PAX3: variants seen among roughly 807,000 people sequenced by gnomAD.
PAX3 encodes the protein paired box 3, also known as paired box protein Pax-3.
PAX3 carries 14 observed loss-of-function variants against 51.6 expected under a neutral mutation model. The observed-to-expected ratio is 0.27, with a 90% CI of 0.18 to 0.42. The LOEUF is 0.42. Ranked by LOEUF, PAX3 falls within the 10% of genes least tolerant of loss-of-function variation. The probability of loss-of-function intolerance (pLI) is 1.00; values close to 1 mark genes in which losing one functional copy is unlikely to be tolerated. For missense variants in PAX3, 540 were observed against 642.8 expected, an observed-to-expected ratio of 0.84 and a Z score of 1.73; for synonymous variants, 280 against 253.4, an observed-to-expected ratio of 1.11 and a Z score of -1.00.
At chr2:222,277,025 G>A (rs1242420237) in intron 4 of PAX3, among the ~76,000 whole-genome samples, 1 of 152,164 alleles carries the variant, frequency 6.6e-6, no homozygotes, top group Non-Finnish European at 1.5e-5. Flanking sequence ...CTGTTACATG[G>A]TTGTGCTGAC....
intron 7 of PAX3, among the ~76,000 whole-genome samples, chr2:222,204,088 T>A (rs897984027): frequency 2.6e-5 from 4 of 152,154 alleles, no homozygotes; most frequent in African/African-American, 9.7e-5. Context: ...TTTTTAAAAA[T>A]TAGTTATATT....
chr2:222,218,900 C>T (rs183908630), intron 7 of PAX3, among the ~76,000 whole-genome samples: 13 of 152,218 alleles, frequency 8.5e-5, no homozygotes, highest in East Asian at 1.9e-4. Flanking sequence ...TGCCTTTAGG[C>T]GGAAATGTTT....
chr2:222,239,164 C>T (rs1024030782), intron 4 of PAX3, among the ~76,000 whole-genome samples: 23 of 152,300 alleles, frequency 1.5e-4, no homozygotes, highest in Middle Eastern at 3.4e-3. Flanking sequence ...TGTTGGATCC[C>T]AAGAAATGGC....
intron 4 of PAX3, among the ~76,000 whole-genome samples, chr2:222,241,412 GC>G (rs1377909113): frequency 6.6e-6 from 1 of 152,160 alleles, no homozygotes; most frequent in Non-Finnish European, 1.5e-5. Context: ...CATTTTATTT[GC>G]CAATCAGAGT....
chr2:222,280,550 C>T (rs1380703059), intron 4 of PAX3, among the ~76,000 whole-genome samples: 35 of 152,238 alleles, frequency 2.3e-4, no homozygotes, highest in Non-Finnish European at 5.9e-5. Flanking sequence ...GCTTTGACCT[C>T]CACAAGAGTT....
chr2:222,285,704 T>C (rs1376109127), intron 4 of PAX3, among the ~76,000 whole-genome samples: 3 of 152,236 alleles, frequency 2.0e-5, no homozygotes, highest in Non-Finnish European at 4.4e-5. Flanking sequence ...TTTCCAACCA[T>C]TAACACAAGA....
chr2:222,256,296 G>A (rs1430662), intron 4 of PAX3, among the ~76,000 whole-genome samples: 17,632 of 152,060 alleles, frequency 0.12, 1,254 homozygotes, highest in East Asian at 0.32. Context: ...ACAAAAAACC[G>A]TTCTTCCCTC....
chr2:222,222,930 C>T (rs1039345832), intron 5 of PAX3, among the ~76,000 whole-genome samples: 3 of 152,134 alleles, frequency 2.0e-5, no homozygotes, highest in Non-Finnish European at 4.4e-5. Context: ...ATTCTAATTT[C>T]GACGAGCGAT....
intron 4 of PAX3, among the ~76,000 whole-genome samples, chr2:222,236,330 G>A (rs975330418): frequency 3.3e-5 from 5 of 152,152 alleles, no homozygotes; most frequent in Non-Finnish European, 7.4e-5. Context: ...CTGGGCTCAA[G>A]CAATCTTCCC....
Position 222,202,124 on chromosome 2 carries a change from G to A in PAX3, c.1240C>T (p.Pro414Ser), listed in dbSNP as rs1691318066. The A allele has an allele frequency of 3.1e-6, 5 of 1,613,342 alleles. No homozygotes were observed. The highest frequency in any genetic ancestry group is 4.5e-5 in the East Asian group (2 of 44,718). ...HQPQTDYALS[P>S]LTGGLEPTTT... ...GTAGGTTCCAGACCCCCGGTGAGAG[G>A]GGAGAGCGCGTAATCAGTCTGGGGC... Residue 414 changes from proline to serine, a missense_variant, in exon 8 of 9, where the codon CCT (proline) becomes TCT (serine). Physicochemically the swap from Pro to Ser is moderately conservative, Grantham distance 74 (BLOSUM62 -1). Around this residue, in one of 3 missense-constraint regions of PAX3, gnomAD observed 427 missense variants for 483.6 expected, o/e 0.88. Coordinates refer to ENST00000392070, the MANE Select transcript of PAX3 (RefSeq NM_181458.4).
intron 4 of PAX3, among the ~76,000 whole-genome samples, chr2:222,268,103 T>C (rs1232920477): frequency 2.6e-5 from 4 of 152,216 alleles, no homozygotes; most frequent in African/African-American, 9.6e-5. Flanking sequence ...CAAAACCTGT[T>C]ATGCACAAAT....
intron 3 of PAX3, 66 bp downstream of exon 3, chr2:222,295,462 G>C: frequency 6.4e-7 from 1 of 1,573,580 alleles, no homozygotes; most frequent in Non-Finnish European, 8.7e-7. Context: ...ATTACGTCTG[G>C]GTCGACGTGC....
Position 222,298,231 on chromosome 2 carries a change from T to A in PAX3, c.85+300A>T, listed in dbSNP as rs867167244. On this transcript the variant is annotated intron_variant, in intron 1 of 8. Coordinates refer to ENST00000392070, the MANE Select transcript of PAX3 (RefSeq NM_181458.4). ...ATTGCGGAGAAGTTGCTTCTGCCGC[T>A]CAGAAGCCGGTTCACCTCCTTCTCC... is the stretch of plus-strand genomic sequence containing the variant. 13 of 447,530 alleles carry A rather than the reference T, an allele frequency of 2.9e-5. No individual in the cohort carries two copies. The Middle Eastern group carries it at 2.5e-3, about 84-fold the overall frequency. 27.7% of individuals were successfully genotyped at this position (447,530 alleles called of 1,614,324 possible). A position where few individuals can be genotyped will look rare whatever the true frequency, so the allele number is the denominator to read the frequency against.
intron 4 of PAX3, among the ~76,000 whole-genome samples, chr2:222,291,616 C>T (rs1695041171): frequency 2.6e-5 from 4 of 152,166 alleles, no homozygotes; most frequent in Admixed American, 2.0e-4. Flanking sequence ...AAAAGCCAGG[C>T]TCAGCAGCAC....
chr2:222,243,676 T>C (rs1693102804), intron 4 of PAX3, among the ~76,000 whole-genome samples: 1 of 152,238 alleles, frequency 6.6e-6, no homozygotes, highest in African/African-American at 2.4e-5. Context: ...TAAATGCTTT[T>C]AACGACACTT....
Position 222,295,565 on chromosome 2 carries a change from G to A in PAX3, c.414C>T (p.Leu138=). 1.2e-6 allele frequency: 2 copies of A among 1,614,236 alleles called. No individual in the cohort carries two copies. The highest frequency in any genetic ancestry group is 8.5e-7 in the Non-Finnish European group (1 of 1,180,036). The change falls in exon 3 of 9, where the codon CTC becomes CTT. Residue 138 remains leucine, a synonymous_variant. Coordinates refer to ENST00000392070, the MANE Select transcript of PAX3 (RefSeq NM_181458.4). The stretch of plus-strand genomic sequence containing the variant: ...TGTTTCGATCACAGACCGCGTCCTT[G>A]AGTAATTTGTCTCGGATTTCCCAGC... The part of the protein sequence containing the change: ...MFSWEIRDKL[L]KDAVCDRNTV...
chr2:222,231,207 C>A lies in PAX3; in HGVS notation c.792+871G>T, dbSNP rs145825513. On this transcript the variant is annotated intron_variant, in intron 5 of 8. Transcript: ENST00000392070. ...ACCATGTCAACTGACTAGTCCACTG[C>A]TGAGTCCCCAGCCTGCAAATTAAGA... 9.3e-4 allele frequency among the ~76,000 whole-genome samples: 141 copies of A among 152,258 alleles called. 1 individual carries two copies. The highest frequency in any genetic ancestry group is 3.2e-3 in the African/African-American group (132 of 41,554).
rs748342288 is a variant in PAX3, at chr2:222,230,175, CA to C, written c.792+1902del. On this transcript the variant is annotated intron_variant, in intron 5 of 8. Transcript: ENST00000392070. ...TGGGCTACAGAATGAGACCCTGTCT[CA>C]AAAAAAAAAAAAATTAAATCTGCCT... Among the ~76,000 whole-genome samples, 378 of 137,402 alleles carry C rather than the reference CA, an allele frequency of 2.8e-3. 1 individual carries two copies. Among genetic ancestry groups the C allele is most frequent in the African/African-American group, 3.8e-3 (142 of 37,570 alleles). 90.1% of individuals were successfully genotyped at this position (137,402 alleles called of 152,430 possible). A position where few individuals can be genotyped will look rare whatever the true frequency, so the allele number is the denominator to read the frequency against.
rs535423587 is a variant in PAX3, at chr2:222,253,955, C to CT, written c.587-21673dup. ...ATAGACATGAGCCACCACACCTGGC[C>CT]TTTTTTTTCTCCAAAATGTTTCTTT... On this transcript the variant is annotated intron_variant, in intron 4 of 8. Coordinates refer to ENST00000392070, the MANE Select transcript of PAX3 (RefSeq NM_181458.4). Among the ~76,000 whole-genome samples the CT allele has an allele frequency of 2.6e-5, 4 of 151,972 alleles. No individual in the cohort carries two copies. In the South Asian group the frequency reaches 6.2e-4, roughly 24 times the overall value.
Sources: gnomAD v4.1 joint callset for allele counts (sites outside exome capture counted in the v4.1 genomes callset) on GRCh38, gnomAD v4.1.1 for gene constraint, gnomAD v4.1.1 regional missense constraint, MANE v1.5 for transcripts, NCBI Gene and HGNC (gene_info 2026-07-23, HGNC 2026-07-21) for gene names.